OPCML: variants seen among roughly 807,000 people sequenced by gnomAD.
OPCML encodes the protein opioid binding protein/cell adhesion molecule like.
In OPCML, 13 loss-of-function variants were observed where a neutral mutation model predicts 37.8. The ratio of observed to expected loss-of-function variants is 0.34; its 90% CI spans 0.22 to 0.55. OPCML has a LOEUF of 0.55. OPCML is among the 20% of genes least tolerant of loss of function. OPCML has a pLI of 0.91. For missense variants in OPCML, 341 were observed against 435.6 expected (o/e 0.78, Z 1.93); for synonymous variants, 176 against 168.8 (o/e 1.04, Z -0.33).
chr11:133,228,529 C>G (rs1159063414), intron 1 of OPCML, among the ~76,000 whole-genome samples: 1 of 152,248 alleles, frequency 6.6e-6, no homozygotes, highest in Non-Finnish European at 1.5e-5. Context: ...AGCCACAAGC[C>G]GAGGTGCCCG....
intron 1 of OPCML, among the ~76,000 whole-genome samples, chr11:132,979,413 G>T (rs933295067): frequency 1.3e-5 from 2 of 152,140 alleles, no homozygotes; most frequent in Admixed American, 6.5e-5. Flanking sequence ...TCCTTAGACA[G>T]CCTGCTCACA....
intron 1 of OPCML, among the ~76,000 whole-genome samples, chr11:133,531,320 T>G (rs1948600424): frequency 6.6e-6 from 1 of 152,220 alleles, no homozygotes; most frequent in Non-Finnish European, 1.5e-5. Context: ...TTGCAGCATC[T>G]TACCTGTGTC....
At chr11:132,917,201 C>T (rs1037239910) in intron 2 of OPCML, among the ~76,000 whole-genome samples, 1 of 152,196 alleles carries the variant, frequency 6.6e-6, no homozygotes, top group African/African-American at 2.4e-5. Context: ...AACATCACGG[C>T]TTGTATTGGA....
At chr11:132,591,881 A>G (rs1446918502) in intron 3 of OPCML, among the ~76,000 whole-genome samples, 7 of 152,212 alleles carry the variant, frequency 4.6e-5, no homozygotes, top group African/African-American at 1.7e-4. Flanking sequence ...ATGGATGGGT[A>G]AACAGATTGA....
chr11:133,004,803 G>A (rs772074947), intron 1 of OPCML: 35 of 985,274 alleles, frequency 3.6e-5, no homozygotes, highest in Middle Eastern at 5.2e-4. Context: ...ACCACACTCC[G>A]TCTAACCTGC....
chr11:133,410,422 G>A (rs1046893097), intron 1 of OPCML, among the ~76,000 whole-genome samples: 2 of 151,902 alleles, frequency 1.3e-5, no homozygotes, highest in African/African-American at 2.4e-5. Flanking sequence ...GAGGCAGGAG[G>A]GGAAGATGCC....
chr11:132,928,068 A>T (rs1945060750), intron 2 of OPCML, among the ~76,000 whole-genome samples: 1 of 152,044 alleles, frequency 6.6e-6, no homozygotes, highest in Non-Finnish European at 1.5e-5. Flanking sequence ...GGGACAAAAA[A>T]ACTATAAAGT....
At chr11:132,892,231 G>A (rs1455383703) in intron 2 of OPCML, among the ~76,000 whole-genome samples, 2 of 152,130 alleles carry the variant, frequency 1.3e-5, no homozygotes, top group African/African-American at 4.8e-5. Flanking sequence ...AGCGGAAAAG[G>A]CAGACTTCTC....
At chr11:132,643,694 A>G (rs1940991600) in intron 3 of OPCML, among the ~76,000 whole-genome samples, 1 of 152,114 alleles carries the variant, frequency 6.6e-6, no homozygotes, top group South Asian at 2.1e-4. Context: ...CCCAGGCAGG[A>G]GCCCCACTCC....
At chr11:133,083,156 A>G (rs1948765255) in intron 1 of OPCML, among the ~76,000 whole-genome samples, 1 of 151,608 alleles carries the variant, frequency 6.6e-6, no homozygotes, top group Non-Finnish European at 1.5e-5. Context: ...ACACACACAC[A>G]CGCACACACC....
At chr11:132,483,830 T>G in intron 4 of OPCML, among the ~76,000 whole-genome samples, 1 of 151,278 alleles carries the variant, frequency 6.6e-6, no homozygotes, top group African/African-American at 2.4e-5. Context: ...GATTCCCTAT[T>G]TAATAAATGG....
chr11:133,420,511 G>A, intron 1 of OPCML: 1 of 983,060 alleles, frequency 1.0e-6, no homozygotes, highest in Non-Finnish European at 1.2e-6. Flanking sequence ...GGCCTCATTG[G>A]TGTTAACAAC....
At chr11:133,200,545 C>G (rs1938729542) in intron 1 of OPCML, among the ~76,000 whole-genome samples, 1 of 152,122 alleles carries the variant, frequency 6.6e-6, no homozygotes, top group Non-Finnish European at 1.5e-5. Flanking sequence ...TACGTGCAAT[C>G]TCTCAAACAT....
intron 1 of OPCML, among the ~76,000 whole-genome samples, chr11:133,279,828 A>G (rs1309335971): frequency 2.0e-5 from 3 of 152,172 alleles, no homozygotes; most frequent in African/African-American, 7.2e-5. Context: ...AAGGAATCCA[A>G]ATTATTTTTA....
At chr11:132,853,152 C>T (rs1177210602) in intron 2 of OPCML, among the ~76,000 whole-genome samples, 1 of 152,042 alleles carries the variant, frequency 6.6e-6, no homozygotes, top group Non-Finnish European at 1.5e-5. Context: ...AGCATCATTT[C>T]AAGGAAAACA....
intron 1 of OPCML, among the ~76,000 whole-genome samples, chr11:133,059,529 C>T (rs772324705): frequency 2.0e-5 from 3 of 152,214 alleles, no homozygotes; most frequent in African/African-American, 4.8e-5. Flanking sequence ...CACCTCCGCA[C>T]GCTTGCAGGG....
At chr11:132,940,334 C>T (rs1945535426) in intron 2 of OPCML, among the ~76,000 whole-genome samples, 1 of 152,150 alleles carries the variant, frequency 6.6e-6, no homozygotes, top group Non-Finnish European at 1.5e-5. Flanking sequence ...TAGTTTGACC[C>T]AGGACAACCA....
At chr11:133,071,547 G>A (rs1948534878) in intron 1 of OPCML, among the ~76,000 whole-genome samples, 1 of 152,156 alleles carries the variant, frequency 6.6e-6, no homozygotes, top group African/African-American at 2.4e-5. Context: ...ACTGGCCCAG[G>A]AGTCAGACAC....
intron 1 of OPCML, among the ~76,000 whole-genome samples, chr11:133,022,307 C>A (rs1169823496): frequency 6.6e-6 from 1 of 152,176 alleles, no homozygotes; most frequent in Non-Finnish European, 1.5e-5. Context: ...ACTCACTGTT[C>A]TTTCCCACTC....
Sources: gnomAD v4.1 joint callset for allele counts (sites outside exome capture counted in the v4.1 genomes callset) on GRCh38, gnomAD v4.1.1 for gene constraint, MANE v1.5 for transcripts, NCBI Gene and HGNC (gene_info 2026-07-23, HGNC 2026-07-21) for gene names.